PCBP3: variants seen among roughly 807,000 people sequenced by gnomAD.
The protein encoded by PCBP3 is poly(rC)-binding protein 3.
In PCBP3, 25 loss-of-function variants were observed where a neutral mutation model predicts 52.7. The ratio of observed to expected loss-of-function variants is 0.47; its 90% CI spans 0.35 to 0.66. The LOEUF is 0.66. Ranked by LOEUF, PCBP3 falls within the 30% of genes least tolerant of loss-of-function variation. The pLI is 0.01. For missense variants in PCBP3, 391 were observed against 490.3 expected (o/e 0.80, Z 1.91); for synonymous variants, 162 against 183.0 (o/e 0.89, Z 0.93).
At chr21:45,833,208 A>G (rs1654090689) in intron 4 of PCBP3, among the ~76,000 whole-genome samples, 2 of 152,214 alleles carry the variant, frequency 1.3e-5, no homozygotes, top group African/African-American at 4.8e-5. Context: ...CGCGGTTATT[A>G]AATAACTATG....
chr21:45,754,259 T>C lies in PCBP3; in HGVS notation c.-161-1158T>C, dbSNP rs527375955. 4.6e-5 allele frequency among the ~76,000 whole-genome samples: 7 copies of C among 152,252 alleles called. No individual in the cohort carries two copies. In the East Asian group the frequency reaches 1.2e-3, roughly 25 times the overall value. ...TATAATATTATAATGAAAATAGTTA[T>C]GATAAGAATAGTTCAAGTACCCAGT... On this transcript the variant is annotated intron_variant, in intron 3 of 17. Transcript: ENST00000681687.
intron 4 of PCBP3, among the ~76,000 whole-genome samples, chr21:45,811,679 G>A (rs1199248819): frequency 6.6e-6 from 1 of 152,148 alleles, no homozygotes; most frequent in Non-Finnish European, 1.5e-5. Flanking sequence ...AGACATGTTG[G>A]CTTGCTAGGA....
At chr21:45,652,185 C>A (rs1019707244) in intron 1 of PCBP3, among the ~76,000 whole-genome samples, 2 of 152,082 alleles carry the variant, frequency 1.3e-5, no homozygotes, top group African/African-American at 4.8e-5. Flanking sequence ...CTGAGCCAGC[C>A]CTTGTTCTTT....
intron 5 of PCBP3, among the ~76,000 whole-genome samples, chr21:45,877,319 T>C (rs1453640339): frequency 6.6e-6 from 1 of 152,220 alleles, no homozygotes; most frequent in East Asian, 1.9e-4. Context: ...CCTGGATTTA[T>C]ATATGGAAAA....
At position 45,656,569 on chromosome 21, in the gene PCBP3, C is replaced by T. The variant is rs2080033376; in HGVS notation, c.-278-12305C>T. 6.6e-6 allele frequency among the ~76,000 whole-genome samples: 1 copy of T among 152,008 alleles called. No individual in the cohort carries two copies. The highest frequency in any genetic ancestry group is 2.4e-5 in the African/African-American group (1 of 41,362). Reference sequence around the variant, plus strand: ...TGACGGGTTGATGGGTGCAGCAAACCACCGTGGCATGTGTATACCTGTGTA... The same window carrying T: ...TGACGGGTTGATGGGTGCAGCAAACTACCGTGGCATGTGTATACCTGTGTA... On this transcript the variant is annotated intron_variant, in intron 1 of 17. Coordinates refer to ENST00000681687, the MANE Select transcript of PCBP3 (RefSeq NM_001384156.1). The surrounding 1 kb of genome is among the most constrained non-coding windows in gnomAD (Gnocchi z 4.3).
chr21:45,929,280 C>G (rs2075868150), intron 13 of PCBP3, among the ~76,000 whole-genome samples: 1 of 152,210 alleles, frequency 6.6e-6, no homozygotes, highest in Non-Finnish European at 1.5e-5. Context: ...ATGCCTTCCA[C>G]AGAACCTTCT....
intron 4 of PCBP3, among the ~76,000 whole-genome samples, chr21:45,801,333 A>C (rs371286462): frequency 3.3e-5 from 5 of 152,030 alleles, no homozygotes; most frequent in Non-Finnish European, 1.5e-5. Flanking sequence ...GCCCTTGTCT[A>C]CCCACCTCCT....
chr21:45,879,363 AG>A (rs750015985), intron 5 of PCBP3, among the ~76,000 whole-genome samples: 30 of 152,378 alleles, frequency 2.0e-4, no homozygotes, highest in Non-Finnish European at 3.4e-4. Context: ...TTCATGATGT[AG>A]ACTCAATAAC....
rs1283270464 is a variant in PCBP3, at chr21:45,800,136, G to T, written c.-126+44684G>T. On this transcript the variant is annotated intron_variant, in intron 4 of 17. Coordinates refer to ENST00000681687, the MANE Select transcript of PCBP3 (RefSeq NM_001384156.1). This position sits in a 1 kb window ranked among gnomAD's most constrained non-coding sequence, Gnocchi z 5.3. ...TGCAGCTGCCTTTTTGGAGGAGGCT[G>T]CAGGAGCACAGAGTAATGGCTGCAG... Among the ~76,000 whole-genome samples the T allele has an allele frequency of 1.1e-4, 16 of 152,210 alleles. No individual in the cohort carries two copies. The highest frequency in any genetic ancestry group is 9.8e-4 in the Admixed American group (15 of 15,284).
chr21:45,753,694 C>T (rs1438503588), intron 3 of PCBP3, among the ~76,000 whole-genome samples: 1 of 151,856 alleles, frequency 6.6e-6, no homozygotes, highest in Non-Finnish European at 1.5e-5. Flanking sequence ...TATGTAATTT[C>T]GGTTTCTCTT....
intron 2 of PCBP3, among the ~76,000 whole-genome samples, chr21:45,685,225 G>A (rs148031842): frequency 6.6e-6 from 1 of 152,208 alleles, no homozygotes; most frequent in Admixed American, 6.5e-5. Flanking sequence ...CATGGGGAAT[G>A]GGTTTTAAAG....
At chr21:45,697,124 T>G (rs1336868804) in intron 2 of PCBP3, among the ~76,000 whole-genome samples, 1 of 152,174 alleles carries the variant, frequency 6.6e-6, no homozygotes, top group African/African-American at 2.4e-5. Context: ...GACACACTAG[T>G]CTTCCTTCTG....
chr21:45,741,044 G>C lies in PCBP3; in HGVS notation c.-162+5615G>C, dbSNP rs929631266. 2.0e-5 allele frequency among the ~76,000 whole-genome samples: 3 copies of C among 152,164 alleles called. No homozygotes were observed. The highest frequency in any genetic ancestry group is 2.9e-5 in the Non-Finnish European group (2 of 68,020). On this transcript the variant is annotated intron_variant, in intron 3 of 17. Transcript: ENST00000681687. The surrounding 1 kb of genome is among the most constrained non-coding windows in gnomAD (Gnocchi z 4.5). The stretch of plus-strand genomic sequence containing the variant: ...GGGGACTGTCCTAAACGGAAAGCAG[G>C]GCACGGGATGGCTTCACTCCAGCTC...
chr21:45,732,032 G>A (rs1326624689), intron 2 of PCBP3, among the ~76,000 whole-genome samples: 5 of 151,862 alleles, frequency 3.3e-5, no homozygotes, highest in African/African-American at 7.3e-5. Context: ...TTTGTGTTTT[G>A]TACTTCTTTT....
rs1001215271 is a variant in PCBP3 at position 45,931,789 on chromosome 21, C to G, written c.856+944C>G. On this transcript the variant is annotated intron_variant, in intron 15 of 17. Transcript: ENST00000681687. ...GCTGTCCTGAAATGAATGAACACAT[C>G]GGCCATGCTGTCCTGAGATGAATGA... Among the ~76,000 whole-genome samples, 702 of 148,854 alleles carry G rather than the reference C, an allele frequency of 4.7e-3. 5 individuals are homozygous for G. Among genetic ancestry groups the G allele is most frequent in the African/African-American group, 0.017 (665 of 40,006 alleles).
At chr21:45,859,176 G>T (rs1330766008) in intron 5 of PCBP3, among the ~76,000 whole-genome samples, 2 of 152,276 alleles carry the variant, frequency 1.3e-5, no homozygotes, top group African/African-American at 4.8e-5. Context: ...TGGTGTCACC[G>T]TCCTTGGGAT....
intron 2 of PCBP3, among the ~76,000 whole-genome samples, chr21:45,717,028 C>G (rs1030690685): frequency 1.3e-5 from 2 of 151,942 alleles, no homozygotes; most frequent in African/African-American, 4.8e-5. Flanking sequence ...TAATTCCTTT[C>G]CCTTTCTTGT....
At chr21:45,748,348 G>A (rs1000120266) in intron 3 of PCBP3, among the ~76,000 whole-genome samples, 5 of 152,136 alleles carry the variant, frequency 3.3e-5, no homozygotes, top group East Asian at 3.8e-4. Flanking sequence ...ATGCCTTTGC[G>A]CCATAGGCCC....
intron 4 of PCBP3, among the ~76,000 whole-genome samples, chr21:45,776,972 C>A (rs889734217): frequency 6.6e-6 from 1 of 152,080 alleles, no homozygotes; most frequent in African/African-American, 2.4e-5. Context: ...ACCATTTAAG[C>A]CATTTCTGTT....
Sources: allele counts gnomAD v4.1 joint callset (sites outside exome capture counted in the v4.1 genomes callset), GRCh38; gene constraint gnomAD v4.1.1; non-coding constraint Gnocchi (gnomAD v3.1); transcripts MANE v1.5; gene names NCBI Gene and HGNC (gene_info 2026-07-23, HGNC 2026-07-21).